TNIK: variants seen among roughly 807,000 people sequenced by gnomAD.
TNIK encodes the protein TRAF2 and NCK interacting kinase.
In TNIK, 49 loss-of-function variants were observed where a neutral mutation model predicts 191.3. The ratio of observed to expected loss-of-function variants is 0.26; its 90% CI spans 0.20 to 0.32. The LOEUF is 0.32. TNIK is among the 10% of genes least tolerant of loss of function. The probability of loss-of-function intolerance (pLI) is 1.00; values close to 1 mark genes in which losing one functional copy is unlikely to be tolerated. For missense variants in TNIK, 1,155 were observed against 1,702.3 expected (o/e 0.68, Z 5.66); for synonymous variants, 594 against 600.9 (o/e 0.99, Z 0.17).
At chr3:171,354,068 A>T (rs1270407157) in intron 2 of TNIK, among the ~76,000 whole-genome samples, 3 of 152,068 alleles carry the variant, frequency 2.0e-5, no homozygotes, top group Admixed American at 2.0e-4. Context: ...AGAAAAAAAA[A>T]TTTTCTTGAA....
chr3:171,225,695 A>C (rs570020960), intron 3 of TNIK: 4 of 449,938 alleles, frequency 8.9e-6, no homozygotes, highest in African/African-American at 8.0e-5. Flanking sequence ...AATTCCAAGC[A>C]AGGTGGTCTA....
At chr3:171,314,010 A>G (rs2108309740) in intron 2 of TNIK, among the ~76,000 whole-genome samples, 1 of 152,318 alleles carries the variant, frequency 6.6e-6, no homozygotes. Flanking sequence ...TAATTTAAAC[A>G]TTCTATCCTG....
rs776283447 is a variant in TNIK, at chr3:171,360,425, T to C, written c.123+9195A>G. Among the ~76,000 whole-genome samples the C allele has an allele frequency of 1.6e-4, 25 of 152,340 alleles. 1 individual carries two copies. The East Asian group carries it at 3.9e-3, about 23-fold the overall frequency. On this transcript the variant is annotated intron_variant, in intron 2 of 32. Coordinates refer to ENST00000436636, the MANE Select transcript of TNIK (RefSeq NM_015028.4). ...TAAGTGGATTCATGGAAGCAACTTG[T>C]GGAGGTTATCCAGACTAGTGCTCTA...
At chr3:171,163,529 A>G (rs1421820222) in intron 10 of TNIK, among the ~76,000 whole-genome samples, 1 of 152,336 alleles carries the variant, frequency 6.6e-6, no homozygotes, top group Non-Finnish European at 1.5e-5. Flanking sequence ...ACTTAGCTTC[A>G]TACATTTAGG....
intron 12 of TNIK, among the ~76,000 whole-genome samples, chr3:171,144,229 T>C (rs563203162): frequency 4.5e-4 from 68 of 152,358 alleles, no homozygotes; most frequent in African/African-American, 1.5e-3. Context: ...TTGCTTCTTA[T>C]AAGTTTCTTA....
chr3:171,147,717 C>T (rs1405017839), intron 12 of TNIK, among the ~76,000 whole-genome samples: 1 of 152,158 alleles, frequency 6.6e-6, no homozygotes, highest in Non-Finnish European at 1.5e-5. Flanking sequence ...CTCACCAGAA[C>T]CCTTTGAGGC....
At chr3:171,253,893 C>A (rs1290475625) in intron 2 of TNIK, among the ~76,000 whole-genome samples, 2 of 152,130 alleles carry the variant, frequency 1.3e-5, no homozygotes, top group Non-Finnish European at 1.5e-5. Flanking sequence ...ATCAATAAAA[C>A]AAAGAATGTA....
intron 3 of TNIK, chr3:171,225,516 C>A (rs776977345): frequency 7.5e-5 from 34 of 455,478 alleles, no homozygotes; most frequent in Non-Finnish European, 1.2e-4. Flanking sequence ...CACTCCTTTG[C>A]ATGTAAAATG....
intron 12 of TNIK, among the ~76,000 whole-genome samples, chr3:171,142,386 G>GA (rs1334507906): frequency 6.6e-6 from 1 of 152,208 alleles, no homozygotes; most frequent in Non-Finnish European, 1.5e-5. Flanking sequence ...CACTGCTGAG[G>GA]ATGGAGACAC....
At chr3:171,313,998 G>C (rs927154426) in intron 2 of TNIK, among the ~76,000 whole-genome samples, 2 of 152,106 alleles carry the variant, frequency 1.3e-5, no homozygotes, top group East Asian at 3.9e-4. Context: ...AGAGACCAGC[G>C]CTAATTTAAA....
At chr3:171,296,213 A>C (rs1439870148) in intron 2 of TNIK, among the ~76,000 whole-genome samples, 1 of 152,018 alleles carries the variant, frequency 6.6e-6, no homozygotes, top group African/African-American at 2.4e-5. Context: ...AAATTCCTGA[A>C]CTGTTGGCAG....
chr3:171,119,702 AAAAC>A (rs1450057018), intron 18 of TNIK, among the ~76,000 whole-genome samples: 3 of 152,282 alleles, frequency 2.0e-5, no homozygotes, highest in East Asian at 3.9e-4. Flanking sequence ...AGGACAAAAA[AAAAC>A]AAACACTGCA....
chr3:171,131,771 C>T (rs1486056052), intron 15 of TNIK, among the ~76,000 whole-genome samples: 4 of 152,180 alleles, frequency 2.6e-5, no homozygotes, highest in Non-Finnish European at 5.9e-5. Flanking sequence ...ACCTTAAGAA[C>T]TGGAGCAAAG....
At chr3:171,282,597 G>A (rs1577344683) in intron 2 of TNIK, among the ~76,000 whole-genome samples, 1 of 152,176 alleles carries the variant, frequency 6.6e-6, no homozygotes, top group South Asian at 2.1e-4. Flanking sequence ...ACCTGCCTCG[G>A]CCTCCCAAAG....
intron 2 of TNIK, among the ~76,000 whole-genome samples, chr3:171,321,628 C>A (rs1278002530): frequency 2.6e-5 from 4 of 152,158 alleles, no homozygotes; most frequent in Non-Finnish European, 5.9e-5. Flanking sequence ...CTGAAAAGTA[C>A]TTTCACCTCG....
intron 18 of TNIK, among the ~76,000 whole-genome samples, chr3:171,119,482 GCA>G (rs1399489262): frequency 1.3e-5 from 2 of 152,112 alleles, no homozygotes; most frequent in African/African-American, 2.4e-5. Flanking sequence ...CTATAAAGCA[GCA>G]CACATGCACA....
chr3:171,217,446 G>A (rs1198512924), intron 3 of TNIK, among the ~76,000 whole-genome samples: 2 of 151,984 alleles, frequency 1.3e-5, no homozygotes, highest in African/African-American at 4.8e-5. Flanking sequence ...AGGTACTATG[G>A]TCAGTACCTG....
chr3:171,343,894 A>G (rs1711708643), intron 2 of TNIK, among the ~76,000 whole-genome samples: 1 of 152,170 alleles, frequency 6.6e-6, no homozygotes, highest in Admixed American at 6.5e-5. Flanking sequence ...GTTTCAGTAA[A>G]ACAAAAGGGG....
chr3:171,132,925 T>G (rs1454392969), intron 15 of TNIK, among the ~76,000 whole-genome samples: 1 of 152,170 alleles, frequency 6.6e-6, no homozygotes, highest in African/African-American at 2.4e-5. Context: ...AACAGTTTGG[T>G]TTTTGTGTTT....
Sources: allele counts gnomAD v4.1 joint callset (sites outside exome capture counted in the v4.1 genomes callset), GRCh38; gene constraint gnomAD v4.1.1; transcripts MANE v1.5; gene names NCBI Gene and HGNC (gene_info 2026-07-23, HGNC 2026-07-21).